The following IKZF2 variants were observed in gnomAD, a reference collection of about 807,000 sequenced individuals.
The protein encoded by IKZF2 is IKAROS family zinc finger 2, also known as zinc finger protein Helios.
In IKZF2, 15 loss-of-function variants were observed where a neutral mutation model predicts 49.2. The ratio of observed to expected loss-of-function variants is 0.30; its 90% CI spans 0.20 to 0.47. The LOEUF (loss-of-function observed/expected upper bound fraction) is 0.47. Among genes scored for constraint, IKZF2 ranks in the 20% least tolerant of loss-of-function variants. IKZF2 has a pLI of 1.00. For synonymous variants in IKZF2, 227 were observed against 221.4 expected, an observed-to-expected ratio of 1.03 and a Z score of -0.23; for missense variants, 567 against 664.6, an observed-to-expected ratio of 0.85 and a Z score of 1.61.
At chr2:213,061,144 T>G (rs1277042702) in intron 4 of IKZF2, among the ~76,000 whole-genome samples, 1 of 151,536 alleles carries the variant, frequency 6.6e-6, no homozygotes, top group Non-Finnish European at 1.5e-5. Flanking sequence ...ATACTCTTTT[T>G]TAAAGTGAAT....
chr2:213,095,879 G>A (rs1338465426), intron 4 of IKZF2, among the ~76,000 whole-genome samples: 2 of 151,924 alleles, frequency 1.3e-5, no homozygotes, highest in African/African-American at 4.8e-5. Context: ...ATCTACTAAC[G>A]AGGTAATTAT....
chr2:213,131,941 A>C (rs2060486369), intron 4 of IKZF2, among the ~76,000 whole-genome samples: 1 of 152,204 alleles, frequency 6.6e-6, no homozygotes, highest in Non-Finnish European at 1.5e-5. Context: ...AAATCTTCTT[A>C]ATTGAGAGAC....
At chr2:213,072,516 G>A (rs1702820647) in intron 4 of IKZF2, among the ~76,000 whole-genome samples, 1 of 152,020 alleles carries the variant, frequency 6.6e-6, no homozygotes, top group Non-Finnish European at 1.5e-5. Flanking sequence ...TATCCCTGTA[G>A]TGGAATAATG....
At chr2:213,024,091 A>AT (rs1212375912) in intron 6 of IKZF2, among the ~76,000 whole-genome samples, 1 of 151,828 alleles carries the variant, frequency 6.6e-6, no homozygotes, top group Non-Finnish European at 1.5e-5. Context: ...AGCTTCTCCC[A>AT]TTTTGTCCTC....
Position 213,013,206 on chromosome 2 carries a change from T to C in IKZF2, c.856+585A>G, listed in dbSNP as rs1293367587. On this transcript the variant is annotated intron_variant, in intron 8 of 8. Coordinates refer to ENST00000434687, the MANE Select transcript of IKZF2 (RefSeq NM_001387220.1). ...GTAGGTTGCTGCATTATTTTTCCAA[T>C]GCAGAATTTTGAAAAAAAGAAAAAT... is the stretch of plus-strand genomic sequence containing the variant. Among the ~76,000 whole-genome samples the C allele has an allele frequency of 2.0e-5, 3 of 152,082 alleles. No homozygotes were observed. The East Asian group carries it at 5.8e-4, about 29-fold the overall frequency.
intron 4 of IKZF2, among the ~76,000 whole-genome samples, chr2:213,108,413 C>A (rs1392037420): frequency 6.6e-6 from 1 of 152,108 alleles, no homozygotes; most frequent in Admixed American, 6.6e-5. Context: ...CATGAAAAGA[C>A]AGAGGGGCCA....
chr2:213,022,267 A>G (rs1160249003), intron 6 of IKZF2, 137 bp from the exon 7 acceptor site: 5 of 780,298 alleles, frequency 6.4e-6, no homozygotes, highest in Non-Finnish European at 9.4e-6. Context: ...TTACATTCCA[A>G]TTTTGGTAAG....
chr2:213,021,957 G>T (rs1245360782), intron 7 of IKZF2, 36 bp downstream of exon 7: 2 of 1,582,814 alleles, frequency 1.3e-6, no homozygotes, highest in Non-Finnish European at 1.7e-6. Context: ...AAAGCAGTAG[G>T]GGGAAATAAA....
intron 6 of IKZF2, among the ~76,000 whole-genome samples, chr2:213,030,812 C>CT (rs918257825): frequency 0.32 from 42,330 of 133,620 alleles, 7,699 homozygotes; most frequent in African/African-American, 0.48. Context: ...TACTATTTTT[C>CT]TTTTTTTTTT....
In IKZF2 at chr2:213,108,391, C is replaced by G. The variant is rs143344298; in HGVS notation, c.139+39317G>C. Among the ~76,000 whole-genome samples the G allele has an allele frequency of 5.7e-3, 874 of 152,094 alleles. 11 individuals are homozygous for G. The highest frequency in any genetic ancestry group is 0.02 in the African/African-American group (841 of 41,500). On this transcript the variant is annotated intron_variant, in intron 4 of 8. Coordinates refer to ENST00000434687, the MANE Select transcript of IKZF2 (RefSeq NM_001387220.1). Reference sequence around the variant, plus strand: ...CCCAATGAACTGTGGTCATAATAAGCAGATTTGTGTGCATGAAAAGACAGA... The same window carrying G: ...CCCAATGAACTGTGGTCATAATAAGGAGATTTGTGTGCATGAAAAGACAGA...
chr2:213,134,422 A>G (rs1176200112), intron 4 of IKZF2, among the ~76,000 whole-genome samples: 1 of 152,252 alleles, frequency 6.6e-6, no homozygotes, highest in Non-Finnish European at 1.5e-5. Flanking sequence ...GAATACGACC[A>G]GTTAGGATAT....
Position 213,003,557 on chromosome 2 carries a change from C to G in IKZF2, c.*3803G>C, listed in dbSNP as rs1216609506. On this transcript the variant is annotated 3_prime_UTR_variant, in exon 9 of 9. Coordinates refer to ENST00000434687, the MANE Select transcript of IKZF2 (RefSeq NM_001387220.1). ...TTTAAGTTCTGCCTGAAACTAGGGG[C>G]ACACAGTTTTTTGCTTGTATTTTTA... 6.6e-6 allele frequency: 1 copy of G among 151,648 alleles called. No individual in the cohort carries two copies. Among genetic ancestry groups the G allele is most frequent in the Non-Finnish European group, 1.5e-5 (1 of 67,680 alleles). The allele number at this position is 151,648 out of a possible 1,614,324, so 9.4% of individuals were successfully genotyped here. A position where few individuals can be genotyped will look rare whatever the true frequency, so the allele number is the denominator to read the frequency against.
At chr2:213,100,989 C>T (rs1008990950) in intron 4 of IKZF2, among the ~76,000 whole-genome samples, 3 of 151,774 alleles carry the variant, frequency 2.0e-5, no homozygotes, top group East Asian at 1.9e-4. Flanking sequence ...CCTACCTACA[C>T]GGTTGAACCC....
chr2:213,007,642 G>A lies in IKZF2; in HGVS notation c.1299C>T (p.Ser433=). 5.6e-6 allele frequency: 9 copies of A among 1,613,684 alleles called. No individual in the cohort carries two copies. The highest frequency in any genetic ancestry group is 7.6e-6 in the Non-Finnish European group (9 of 1,179,732). ...HPALNPKRKQ[S]PAYMKEDVKA... ...TGACATCCTCCTTCATGTAAGCTGGGCTTTGTTTCCTCTTGGGATTTAAGG... is the reference window on the plus strand; with the variant it reads ...TGACATCCTCCTTCATGTAAGCTGGACTTTGTTTCCTCTTGGGATTTAAGG... Residue 433 remains serine, a synonymous_variant, in exon 9 of 9, where the codon AGC becomes AGT. Transcript: ENST00000434687.
intron 4 of IKZF2, among the ~76,000 whole-genome samples, chr2:213,131,855 G>A (rs988221175): frequency 2.0e-5 from 3 of 152,126 alleles, no homozygotes; most frequent in Non-Finnish European, 2.9e-5. Context: ...ACTGAGAGAC[G>A]TCTCTAATGC....
At chr2:213,137,788 T>C (rs1423876414) in intron 4 of IKZF2, among the ~76,000 whole-genome samples, 1 of 152,108 alleles carries the variant, frequency 6.6e-6, no homozygotes, top group Admixed American at 6.5e-5. Context: ...ATGTTTTATA[T>C]ACTTGTAGAA....
At chr2:213,126,515 G>T (rs143561042) in intron 4 of IKZF2, among the ~76,000 whole-genome samples, 3 of 152,108 alleles carry the variant, frequency 2.0e-5, no homozygotes, top group Non-Finnish European at 4.4e-5. Context: ...ACCATATAGA[G>T]TTGGTAATAA....
At chr2:213,145,495 T>C (rs2061024264) in intron 4 of IKZF2, among the ~76,000 whole-genome samples, 1 of 152,080 alleles carries the variant, frequency 6.6e-6, no homozygotes, top group Non-Finnish European at 1.5e-5. Flanking sequence ...ACAGGCCAGA[T>C]GCACACAAAA....
intron 4 of IKZF2, among the ~76,000 whole-genome samples, chr2:213,111,687 T>C (rs2059708394): frequency 6.6e-6 from 1 of 152,128 alleles, no homozygotes; most frequent in Non-Finnish European, 1.5e-5. Flanking sequence ...CTATGAATCA[T>C]AATGGCTTTT....
Sources: allele counts gnomAD v4.1 joint callset (sites outside exome capture counted in the v4.1 genomes callset), GRCh38; gene constraint gnomAD v4.1.1; transcripts MANE v1.5; gene names NCBI Gene and HGNC (gene_info 2026-07-23, HGNC 2026-07-21).